Variants in RAI1 observed in about 807,000 individuals in gnomAD.
RAI1 encodes retinoic acid-induced protein 1.
In RAI1, 9 loss-of-function variants were observed where a neutral mutation model predicts 123.8. That is an observed-to-expected ratio of 0.07 (90% CI 0.04 to 0.13). The LOEUF (loss-of-function observed/expected upper bound fraction) is 0.13. Among genes scored for constraint, RAI1 ranks in the 10% least tolerant of loss-of-function variants. RAI1 has a pLI of 1.00. For missense variants in RAI1, 2,256 were observed against 2,545.8 expected, an observed-to-expected ratio of 0.89 and a Z score of 2.45; for synonymous variants, 1,231 against 1,127.3, an observed-to-expected ratio of 1.09 and a Z score of -1.84.
chr17:17,734,217 C>T (rs1012133537), intron 2 of RAI1, among the ~76,000 whole-genome samples: 3 of 152,090 alleles, frequency 2.0e-5, no homozygotes, highest in Non-Finnish European at 4.4e-5. Context: ...GTGCTGTTCA[C>T]GCCTGCCTTT....
In RAI1 at chr17:17,795,924, G is replaced by A. The variant is rs2032224434; in HGVS notation, c.2976G>A (p.Val992=). The change falls in exon 3 of 6, where the codon GTG becomes GTA. Residue 992 remains valine (V), a synonymous_variant. Coordinates refer to ENST00000353383, the MANE Select transcript of RAI1 (RefSeq NM_030665.4). This position sits in a 1 kb window ranked among gnomAD's most constrained non-coding sequence, Gnocchi z 5.9. ...PEAPIAKKEP[V]PRGKSLRSRR... ...CGCCCATCGCAAAGAAAGAGCCTGT[G>A]CCACGGGGCAAAAGCTTACGGAGCC... 1 of 1,609,684 alleles carries A rather than the reference G, an allele frequency of 6.2e-7. No individual in the cohort carries two copies. Among genetic ancestry groups the A allele is most frequent in the Non-Finnish European group, 8.5e-7 (1 of 1,179,474 alleles).
At chr17:17,808,481 T>C (rs1313145406) in intron 4 of RAI1, among the ~76,000 whole-genome samples, 1 of 151,612 alleles carries the variant, frequency 6.6e-6, no homozygotes, top group Non-Finnish European at 1.5e-5. Context: ...AGGGCCTGGC[T>C]GTGTTGCCCA....
In RAI1 at chr17:17,792,943, C is replaced by CGA. The variant is rs1567912707; in HGVS notation, c.-4_-3dup. The CGA allele has an allele frequency of 6.2e-7, 1 of 1,610,098 alleles. No homozygotes were observed. Among genetic ancestry groups the CGA allele is most frequent in the Admixed American group, 1.7e-5 (1 of 59,908 alleles). On this transcript the variant is annotated 5_prime_UTR_variant, in exon 3 of 6. Coordinates refer to ENST00000353383, the MANE Select transcript of RAI1 (RefSeq NM_030665.4). ...TTTTTCTTTTCACAGATAACCAGCC[C>CGA]GAGTCATGCAGTCTTTTCGAGAAAG...
chr17:17,803,231 A>G (rs1373651893), intron 3 of RAI1, among the ~76,000 whole-genome samples: 1 of 152,038 alleles, frequency 6.6e-6, no homozygotes, highest in Non-Finnish European at 1.5e-5. Context: ...CTCCCTACCC[A>G]ATGTACCAGC....
At chr17:17,772,645 C>T (rs1368797157) in intron 2 of RAI1, among the ~76,000 whole-genome samples, 1 of 152,214 alleles carries the variant, frequency 6.6e-6, no homozygotes, top group Non-Finnish European at 1.5e-5. Context: ...CCAGGCTTTT[C>T]CTCTTTCCCT....
chr17:17,762,152 AAG>A lies in RAI1; in HGVS notation c.-16-30776_-16-30775del, dbSNP rs546545914. Reference sequence around the variant, plus strand: ...ACGGAGCTTACCAGTGCAGAGAGAAAAGAGAGTGAATAAATATACGAGGGAGG... The same window carrying A: ...ACGGAGCTTACCAGTGCAGAGAGAAAAGAGTGAATAAATATACGAGGGAGG... On this transcript the variant is annotated intron_variant, in intron 2 of 5. Transcript: ENST00000353383. Among the ~76,000 whole-genome samples, 307 of 152,282 alleles carry A rather than the reference AAG, an allele frequency of 2.0e-3. 2 individuals are homozygous for A. Among genetic ancestry groups the A allele is most frequent in the African/African-American group, 6.8e-3 (281 of 41,552 alleles).
At chr17:17,774,390 G>A (rs1030411017) in intron 2 of RAI1, among the ~76,000 whole-genome samples, 3 of 152,258 alleles carry the variant, frequency 2.0e-5, no homozygotes, top group Admixed American at 6.5e-5. Flanking sequence ...AGCCAGCTCT[G>A]GACCAGGCCG....
chr17:17,766,648 G>A (rs977665675), intron 2 of RAI1, among the ~76,000 whole-genome samples: 2 of 152,224 alleles, frequency 1.3e-5, no homozygotes, highest in South Asian at 2.1e-4. Flanking sequence ...TGCACTGTGC[G>A]AGGCCCAGGG....
chr17:17,730,491 A>G (rs1299750018), intron 2 of RAI1, among the ~76,000 whole-genome samples: 1 of 152,208 alleles, frequency 6.6e-6, no homozygotes, highest in East Asian at 1.9e-4. Context: ...CCTGTTGCCC[A>G]CTGTCTCAGG....
intron 2 of RAI1, among the ~76,000 whole-genome samples, chr17:17,731,905 A>G (rs760204870): frequency 3.3e-5 from 5 of 152,178 alleles, no homozygotes; most frequent in African/African-American, 7.2e-5. Context: ...AGCTCAGCAG[A>G]TTATAATTCC....
intron 2 of RAI1, among the ~76,000 whole-genome samples, chr17:17,728,407 T>C (rs1407945971): frequency 1.3e-5 from 2 of 152,114 alleles, no homozygotes; most frequent in African/African-American, 2.4e-5. Flanking sequence ...TAAAAACGAT[T>C]ATATCCTGAT....
chr17:17,800,554 C>T lies in RAI1; in HGVS notation c.5565+2041C>T, dbSNP rs1021478384. ...TGGGTGTCTTAACCGCCCATGCACA[C>T]ACAAGGTCCTGCTGGACTGAGGAGA... On this transcript the variant is annotated intron_variant, in intron 3 of 5. Coordinates refer to ENST00000353383, the MANE Select transcript of RAI1 (RefSeq NM_030665.4). This position sits in a 1 kb window ranked among gnomAD's most constrained non-coding sequence, Gnocchi z 4.7. Among the ~76,000 whole-genome samples the T allele has an allele frequency of 3.9e-5, 6 of 152,212 alleles. No individual in the cohort carries two copies. Among genetic ancestry groups the T allele is most frequent in the Admixed American group, 6.5e-5 (1 of 15,290 alleles).
intron 1 of RAI1, among the ~76,000 whole-genome samples, chr17:17,708,175 G>A (rs1451850381): frequency 6.6e-6 from 1 of 152,088 alleles, no homozygotes; most frequent in Admixed American, 6.5e-5. Flanking sequence ...CCCTCTGATG[G>A]TGCTTCAGCC....
At chr17:17,762,337 CA>C (rs1481570378) in intron 2 of RAI1, among the ~76,000 whole-genome samples, 1 of 151,938 alleles carries the variant, frequency 6.6e-6, no homozygotes, top group South Asian at 2.1e-4. Flanking sequence ...GCCTGGGGGT[CA>C]GGGGCATGGC....
At chr17:17,729,551 C>G (rs562292397) in intron 2 of RAI1, among the ~76,000 whole-genome samples, 1 of 152,312 alleles carries the variant, frequency 6.6e-6, no homozygotes, top group South Asian at 2.1e-4. Context: ...GGGGCTTTTT[C>G]TGCTTCTCTG....
chr17:17,737,956 G>T (rs1296369465), intron 2 of RAI1, among the ~76,000 whole-genome samples: 9 of 152,244 alleles, frequency 5.9e-5, no homozygotes, highest in South Asian at 2.1e-4. Context: ...TGCCCCTGGT[G>T]GGGGGAGGGG....
At chr17:17,769,830 C>T (rs1257578930) in intron 2 of RAI1, among the ~76,000 whole-genome samples, 1 of 151,974 alleles carries the variant, frequency 6.6e-6, no homozygotes, top group Non-Finnish European at 1.5e-5. Flanking sequence ...GGCCAGAGGC[C>T]TCACTCAGGA....
rs1227551726 is a variant in RAI1 at position 17,714,339 on chromosome 17, A to G, written c.-148-9689A>G. 1.3e-5 allele frequency among the ~76,000 whole-genome samples: 2 copies of G among 152,110 alleles called. No individual in the cohort carries two copies. The highest frequency in any genetic ancestry group is 4.8e-5 in the African/African-American group (2 of 41,432). On this transcript the variant is annotated intron_variant, in intron 1 of 5. Coordinates refer to ENST00000353383, the MANE Select transcript of RAI1 (RefSeq NM_030665.4). This position sits in a 1 kb window ranked among gnomAD's most constrained non-coding sequence, Gnocchi z 4.9. ...TCGGTGGTCATTCAGCTCTCGGGAC[A>G]AAGCGTGGGTGGGCCTGTGCCCTGG...
At chr17:17,738,479 C>A (rs892698060) in intron 2 of RAI1, among the ~76,000 whole-genome samples, 5 of 152,112 alleles carry the variant, frequency 3.3e-5, no homozygotes, top group Admixed American at 1.3e-4. Flanking sequence ...CCTCCGCCAC[C>A]TGGGTGGTCC....
Sources: allele counts gnomAD v4.1 joint callset (sites outside exome capture counted in the v4.1 genomes callset), GRCh38; gene constraint gnomAD v4.1.1; non-coding constraint Gnocchi (gnomAD v3.1); transcripts MANE v1.5; gene names NCBI Gene and HGNC (gene_info 2026-07-23, HGNC 2026-07-21).